SAMHD1: variants seen among roughly 807,000 people sequenced by gnomAD.
The protein encoded by SAMHD1 is deoxynucleoside triphosphate triphosphohydrolase SAMHD1.
In SAMHD1, 54 loss-of-function variants were observed where a neutral mutation model predicts 79.6. The observed-to-expected ratio is 0.68, with a 90% CI of 0.55 to 0.85. The LOEUF (loss-of-function observed/expected upper bound fraction) is 0.85, where lower values mean the gene tolerates loss of function less well. SAMHD1 is among the 40% of genes least tolerant of loss of function. The probability of loss-of-function intolerance (pLI) is 0.00; values close to 1 mark genes in which losing one functional copy is unlikely to be tolerated. For missense variants in SAMHD1, 663 were observed against 782.7 expected (o/e 0.85, Z 1.82); for synonymous variants, 260 against 264.1 (o/e 0.98, Z 0.15).
At chr20:36,901,905 T>C (rs1212026473) in intron 13 of SAMHD1, among the ~76,000 whole-genome samples, 2 of 152,172 alleles carry the variant, frequency 1.3e-5, no homozygotes, top group Admixed American at 6.6e-5. Flanking sequence ...GGACAACACT[T>C]CTCTAGAACA....
intron 3 of SAMHD1, chr20:36,940,469 C>T (rs1449733100): frequency 1.3e-5 from 2 of 155,438 alleles, no homozygotes; most frequent in Non-Finnish European, 2.8e-5. Context: ...GAGGCCAAGG[C>T]AGGTCAATCT....
chr20:36,916,715 A>T lies in SAMHD1; in HGVS notation c.1062+7T>A. On this transcript the variant is annotated splice_region_variant and intron_variant, in intron 9 of 15. Coordinates refer to ENST00000646673, the MANE Select transcript of SAMHD1 (RefSeq NM_015474.4). ...TTCTTCTTATTGCCTCCTCTGGCAC[A>T]GCTTACCTTATCTCTAGCACAAATA... 6.3e-7 allele frequency: 1 copy of T among 1,596,564 alleles called. No individual in the cohort carries two copies. The highest frequency in any genetic ancestry group is 8.6e-7 in the Non-Finnish European group (1 of 1,164,104).
rs941224275 is a variant in SAMHD1, at chr20:36,891,454, C to G, written c.*1478G>C. 4 of 152,320 alleles carry G rather than the reference C, an allele frequency of 2.6e-5. No individual in the cohort carries two copies. The East Asian group carries it at 7.7e-4, about 29-fold the overall frequency. The allele number at this position is 152,320 out of a possible 1,614,324, so 9.4% of individuals were successfully genotyped here. On this transcript the variant is annotated 3_prime_UTR_variant, in exon 16 of 16. Transcript: ENST00000646673. Reference sequence around the variant, plus strand: ...AGCAGAAGACATTCGGGGCTCATGGCTCCCATCCCCACTGGCCTGTATCTT... The same window carrying G: ...AGCAGAAGACATTCGGGGCTCATGGGTCCCATCCCCACTGGCCTGTATCTT...
intron 15 of SAMHD1, among the ~76,000 whole-genome samples, chr20:36,896,243 G>T (rs977420737): frequency 6.6e-6 from 1 of 151,760 alleles, no homozygotes; most frequent in Non-Finnish European, 1.5e-5. Context: ...AAAGTGCTGG[G>T]ATTACAGGCA....
At chr20:36,911,399 T>A in intron 10 of SAMHD1, 66 bp from the exon 11 acceptor site, 1 of 970,418 alleles carries the variant, frequency 1.0e-6, no homozygotes, top group Non-Finnish European at 1.7e-6. Flanking sequence ...ATGTCTTACT[T>A]AAGGAAATCT....
At chr20:36,946,704 T>G (rs748735605) in intron 2 of SAMHD1, 34 bp downstream of exon 2, 1 of 1,532,488 alleles carries the variant, frequency 6.5e-7, no homozygotes, top group Admixed American at 1.7e-5. Flanking sequence ...AAAGTGTGTT[T>G]GGTTATAACG....
intron 7 of SAMHD1, chr20:36,917,305 AC>A: frequency 2.3e-6 from 1 of 442,148 alleles, no homozygotes; most frequent in Non-Finnish European, 4.1e-6. Context: ...GAACTCTATT[AC>A]ATTTCCCAAA....
At chr20:36,946,680 C>T (rs928289588) in intron 2 of SAMHD1, 58 bp downstream of exon 2, 6 of 1,383,080 alleles carry the variant, frequency 4.3e-6, no homozygotes, top group Admixed American at 1.9e-5. Flanking sequence ...GGGCTTTGTC[C>T]CTGAAAGATG....
intron 1 of SAMHD1, among the ~76,000 whole-genome samples, chr20:36,947,549 GGGGTGTGT>G (rs1283027400): frequency 0.014 from 871 of 60,736 alleles, 61 homozygotes; most frequent in African/African-American, 0.028. Context: ...ATTTGGAAGA[GGGGTGTGT>G]GTGTGTGTGT....
At chr20:36,905,643 T>A (rs529344069) in intron 11 of SAMHD1, 140 bp from the exon 12 acceptor site, 21 of 788,898 alleles carry the variant, frequency 2.7e-5, no homozygotes, top group South Asian at 1.2e-4. Flanking sequence ...GTGAGAAAAA[T>A]TTTTAAAAGA....
At chr20:36,923,361 G>A (rs1679388457) in intron 6 of SAMHD1, among the ~76,000 whole-genome samples, 1 of 152,054 alleles carries the variant, frequency 6.6e-6, no homozygotes, top group African/African-American at 2.4e-5. Flanking sequence ...GGCAGAGGTT[G>A]CAGTGAGCTT....
At position 36,892,613 on chromosome 20, in the gene SAMHD1, C is replaced by G; in HGVS notation, c.*319G>C. On this transcript the variant is annotated 3_prime_UTR_variant, in exon 16 of 16. Coordinates refer to ENST00000646673, the MANE Select transcript of SAMHD1 (RefSeq NM_015474.4). The stretch of plus-strand genomic sequence containing the variant: ...TTCGAGTCCAAGCTGGGCAACAGAG[C>G]AAAACCTTGTCTCTTAAAAAAGAAA... 2.8e-6 allele frequency: 1 copy of G among 358,654 alleles called. No homozygotes were observed. The highest frequency in any genetic ancestry group is 5.3e-6 in the Non-Finnish European group (1 of 189,822). 22.2% of individuals were successfully genotyped at this position (358,654 alleles called of 1,614,324 possible). A position where few individuals can be genotyped will look rare whatever the true frequency, so the allele number is the denominator to read the frequency against.
At chr20:36,908,181 T>C (rs904340123) in intron 11 of SAMHD1, among the ~76,000 whole-genome samples, 1 of 152,080 alleles carries the variant, frequency 6.6e-6, no homozygotes, top group African/African-American at 2.4e-5. Flanking sequence ...TAGCCTTACA[T>C]GTATATTTTT....
intron 1 of SAMHD1, 142 bp downstream of exon 1, chr20:36,951,294 C>T (rs1376479910): frequency 8.4e-7 from 1 of 1,193,664 alleles, no homozygotes; most frequent in Non-Finnish European, 1.2e-6. Flanking sequence ...GCGCCCCCAG[C>T]GCAGGTCCGC....
intron 5 of SAMHD1, among the ~76,000 whole-genome samples, chr20:36,930,350 G>T (rs901459644): frequency 3.9e-5 from 6 of 152,020 alleles, no homozygotes; most frequent in African/African-American, 7.2e-5. Flanking sequence ...ACAAAAATTA[G>T]CTGGATATGG....
At chr20:36,943,617 A>T (rs2063662765) in intron 2 of SAMHD1, among the ~76,000 whole-genome samples, 1 of 152,182 alleles carries the variant, frequency 6.6e-6, no homozygotes, top group South Asian at 2.1e-4. Context: ...AAAAATATTC[A>T]CTGAATGAAT....
rs745950444 is a variant in SAMHD1 at position 36,911,241 on chromosome 20, A to T, written c.1247T>A (p.Met416Lys). The change falls in exon 11 of 16, where the codon ATG (methionine) becomes AAG (lysine). Residue 416 changes from methionine to lysine, a missense_variant. Physicochemically the swap from Met to Lys is moderately conservative, Grantham distance 95. Coordinates refer to ENST00000646673, the MANE Select transcript of SAMHD1 (RefSeq NM_015474.4). Reference sequence around the variant, plus strand: ...ACCTGTCAGCTTAGTATAGGCTTCCATGTCGTCAATTGCTGTAGAAATGCG... The same window carrying T: ...ACCTGTCAGCTTAGTATAGGCTTCCTTGTCGTCAATTGCTGTAGAAATGCG... ...KYRISTAIDD[M>K]EAYTKLTDNI... 3 of 1,612,758 alleles carry T rather than the reference A, an allele frequency of 1.9e-6. No individual in the cohort carries two copies. In the African/African-American group the frequency reaches 4.0e-5, roughly 22 times the overall value.
chr20:36,896,329 C>T (rs1990197910), intron 15 of SAMHD1, among the ~76,000 whole-genome samples: 1 of 152,112 alleles, frequency 6.6e-6, no homozygotes, highest in South Asian at 2.1e-4. Context: ...TAGTTCCCCA[C>T]AGACACCAAG....
At chr20:36,949,290 A>G (rs1307885244) in intron 1 of SAMHD1, among the ~76,000 whole-genome samples, 1 of 151,502 alleles carries the variant, frequency 6.6e-6, no homozygotes, top group East Asian at 1.9e-4. Context: ...AATAAAATAA[A>G]TTTTAAAAAA....
Sources: allele counts gnomAD v4.1 joint callset (sites outside exome capture counted in the v4.1 genomes callset), GRCh38; gene constraint gnomAD v4.1.1; transcripts MANE v1.5; gene names NCBI Gene and HGNC (gene_info 2026-07-23, HGNC 2026-07-21).